ARHGAP24: variants seen among roughly 807,000 people sequenced by gnomAD.
ARHGAP24 encodes the protein rho GTPase-activating protein 24.
In ARHGAP24, 50 loss-of-function variants were observed where a neutral mutation model predicts 76.4. The observed-to-expected ratio is 0.65, with a 90% CI of 0.52 to 0.83. The LOEUF is 0.83. Among genes scored for constraint, ARHGAP24 ranks in the 40% least tolerant of loss-of-function variants. The pLI, the probability that ARHGAP24 is intolerant of heterozygous loss-of-function variation, is 0.00. For synonymous variants in ARHGAP24, 345 were observed against 323.3 expected (o/e 1.07, Z -0.72); for missense variants, 930 against 914.2 (o/e 1.02, Z -0.22).
chr4:85,620,215 A>T (rs1240270812), intron 2 of ARHGAP24, among the ~76,000 whole-genome samples: 1 of 151,950 alleles, frequency 6.6e-6, no homozygotes, highest in Non-Finnish European at 1.5e-5. Flanking sequence ...TTTCTGAAAG[A>T]GTTTCAGGAT....
At position 85,789,308 on chromosome 4, in the gene ARHGAP24, G is replaced by T. The variant is rs566357096; in HGVS notation, c.268+67336G>T. Among the ~76,000 whole-genome samples the T allele has an allele frequency of 2.0e-5, 3 of 150,804 alleles. No individual in the cohort carries two copies. The South Asian group carries it at 6.3e-4, about 32-fold the overall frequency. The stretch of plus-strand genomic sequence containing the variant: ...TCAAAGAGATGCATGCCCATAAATG[G>T]CATAGAAACTCTACAGAGAATCAAA... On this transcript the variant is annotated intron_variant, in intron 3 of 9. Transcript: ENST00000395184.
intron 2 of ARHGAP24, among the ~76,000 whole-genome samples, chr4:85,624,973 A>T (rs1027706562): frequency 4.0e-5 from 6 of 151,360 alleles, no homozygotes; most frequent in Admixed American, 1.3e-4. Flanking sequence ...TTTCTTCTTT[A>T]TTAGTCTTGC....
intron 3 of ARHGAP24, among the ~76,000 whole-genome samples, chr4:85,922,439 T>TACAA (rs545893616): frequency 2.0e-5 from 3 of 152,148 alleles, no homozygotes; most frequent in South Asian, 2.1e-4. Context: ...TAGATCCACT[T>TACAA]ACAAACAAAC....
chr4:85,748,221 C>T (rs1255540171), intron 3 of ARHGAP24, among the ~76,000 whole-genome samples: 1 of 152,232 alleles, frequency 6.6e-6, no homozygotes, highest in East Asian at 1.9e-4. Flanking sequence ...ATGTTGACCA[C>T]CTACTCCAAA....
In ARHGAP24 at chr4:85,590,660, C is replaced by T. The variant is rs1578060659; in HGVS notation, c.180+19939C>T. 2.0e-5 allele frequency among the ~76,000 whole-genome samples: 3 copies of T among 151,972 alleles called. No homozygotes were observed. In the East Asian group the frequency reaches 5.8e-4, roughly 29 times the overall value. On this transcript the variant is annotated intron_variant, in intron 2 of 9. Coordinates refer to ENST00000395184, the MANE Select transcript of ARHGAP24 (RefSeq NM_001025616.3). ...CAGGTGTGAGCCACCACACCTGACC[C>T]TTTCCTTCTTTTTCTAATTAAAATA...
chr4:85,675,431 A>G (rs1260608813), intron 2 of ARHGAP24, among the ~76,000 whole-genome samples: 4 of 152,350 alleles, frequency 2.6e-5, no homozygotes, highest in African/African-American at 7.2e-5. Flanking sequence ...CAGAATGAAA[A>G]TAAATCTAAC....
At chr4:85,665,360 C>G (rs139172486) in intron 2 of ARHGAP24, among the ~76,000 whole-genome samples, 7 of 151,908 alleles carry the variant, frequency 4.6e-5, no homozygotes, top group African/African-American at 1.7e-4. Context: ...TGTTTTCCAT[C>G]TGCTTGGTAG....
rs1383143884 is a variant in ARHGAP24, at chr4:85,612,528, C to T, written c.180+41807C>T. Among the ~76,000 whole-genome samples the T allele has an allele frequency of 4.7e-5, 7 of 147,992 alleles. No individual in the cohort carries two copies. In the Admixed American group the frequency reaches 4.9e-4, roughly 10 times the overall value. On this transcript the variant is annotated intron_variant, in intron 2 of 9. Transcript: ENST00000395184. ...TTTAAATATTATCTTATTCTTCACC[C>T]ATGAATAAATAATCTAAAGCTGTAT...
intron 3 of ARHGAP24, among the ~76,000 whole-genome samples, chr4:85,916,351 A>G (rs1735392770): frequency 6.6e-6 from 1 of 152,068 alleles, no homozygotes. Context: ...ATTTTCTCCC[A>G]TTCTGTAGGT....
intron 4 of ARHGAP24, among the ~76,000 whole-genome samples, chr4:85,935,488 TC>T (rs1473392273): frequency 6.6e-6 from 1 of 152,196 alleles, no homozygotes; most frequent in Admixed American, 6.5e-5. Flanking sequence ...AAAGACATTT[TC>T]TCCCATGTGA....
At chr4:85,764,035 G>T (rs915175792) in intron 3 of ARHGAP24, among the ~76,000 whole-genome samples, 5 of 151,750 alleles carry the variant, frequency 3.3e-5, no homozygotes, top group African/African-American at 9.7e-5. Context: ...AAAAATGTAA[G>T]ATCTGTAAGA....
At chr4:85,490,129 G>A (rs140273676) in intron 1 of ARHGAP24, among the ~76,000 whole-genome samples, 1,974 of 152,104 alleles carry the variant, frequency 0.013, 126 homozygotes, top group Admixed American at 0.11. Context: ...GGAGGGAGAG[G>A]GAGAATAAAT....
At chr4:86,000,400 T>C (rs1406722591) in intron 9 of ARHGAP24, 79 bp from the exon 10 acceptor site, 4 of 1,074,976 alleles carry the variant, frequency 3.7e-6, no homozygotes. Flanking sequence ...TGTATGTCTC[T>C]TGCATTTCAA....
In ARHGAP24 at chr4:85,903,193, G is replaced by C. The variant is rs143971624; in HGVS notation, c.269-20455G>C. 5.0e-3 allele frequency among the ~76,000 whole-genome samples: 766 copies of C among 152,254 alleles called. 7 individuals are homozygous for C. The highest frequency in any genetic ancestry group is 0.018 in the African/African-American group (729 of 41,560). On this transcript the variant is annotated intron_variant, in intron 3 of 9. Transcript: ENST00000395184. Reference sequence around the variant, plus strand: ...ACTTCTATACTTCATATTAGGAAGGGAACAAGGTCAAAGAATTTTTCTACT... The same window carrying C: ...ACTTCTATACTTCATATTAGGAAGGCAACAAGGTCAAAGAATTTTTCTACT...
intron 3 of ARHGAP24, among the ~76,000 whole-genome samples, chr4:85,833,111 A>C (rs990868729): frequency 6.6e-6 from 1 of 152,100 alleles, no homozygotes; most frequent in Non-Finnish European, 1.5e-5. Flanking sequence ...TTGTAGACTG[A>C]TTTCTTGTTC....
intron 2 of ARHGAP24, among the ~76,000 whole-genome samples, chr4:85,620,386 G>T (rs1361977724): frequency 6.6e-6 from 1 of 151,878 alleles, no homozygotes; most frequent in African/African-American, 2.4e-5. Flanking sequence ...TTGATAGGTT[G>T]TATGTTCCCG....
At chr4:85,782,868 A>C (rs553441291) in intron 3 of ARHGAP24, among the ~76,000 whole-genome samples, 14 of 151,754 alleles carry the variant, frequency 9.2e-5, no homozygotes, top group African/African-American at 3.4e-4. Context: ...TAATCATGAA[A>C]TAAATGTTTG....
intron 3 of ARHGAP24, among the ~76,000 whole-genome samples, chr4:85,755,626 G>GGTTTTT (rs1726448976): frequency 4.3e-5 from 5 of 117,372 alleles, no homozygotes; most frequent in Admixed American, 4.0e-4. Context: ...CTATTCTTTT[G>GGTTTTT]TTTTGTTTTG....
chr4:85,782,484 T>A (rs1212760864), intron 3 of ARHGAP24, among the ~76,000 whole-genome samples: 1 of 152,210 alleles, frequency 6.6e-6, no homozygotes, highest in Non-Finnish European at 1.5e-5. Context: ...TAACACCTTA[T>A]AAGGGTGCTT....
Sources: gnomAD v4.1 joint callset for allele counts (sites outside exome capture counted in the v4.1 genomes callset) on GRCh38, gnomAD v4.1.1 for gene constraint, MANE v1.5 for transcripts, NCBI Gene and HGNC (gene_info 2026-07-23, HGNC 2026-07-21) for gene names.